Variants in RND3 observed in about 807,000 individuals in gnomAD.
RND3 encodes the protein Rho family GTPase 3.
A neutral mutation model predicts 26.5 loss-of-function variants in RND3; 8 were observed. That is an observed-to-expected ratio of 0.30 (90% CI 0.18 to 0.54). The LOEUF is 0.54. Ranked by LOEUF, RND3 falls within the 20% of genes least tolerant of loss-of-function variation. RND3 has a pLI of 0.94. For synonymous variants in RND3, 113 were observed against 113.0 expected, an observed-to-expected ratio of 1.00 and a Z score of 0.00; for missense variants, 207 against 302.8, an observed-to-expected ratio of 0.68 and a Z score of 2.35.
chr2:150,479,659 C>T (rs569958770), intron 3 of RND3, among the ~76,000 whole-genome samples: 2 of 152,202 alleles, frequency 1.3e-5, no homozygotes, highest in East Asian at 1.9e-4. Context: ...CATGATCTGC[C>T]CAATTATTAC....
At chr2:150,484,827 G>A (rs1686331559) in intron 3 of RND3, among the ~76,000 whole-genome samples, 2 of 152,146 alleles carry the variant, frequency 1.3e-5, no homozygotes, top group African/African-American at 4.8e-5. Context: ...ACACAGCTTT[G>A]TATCAACGAC....
intron 4 of RND3, 133 bp from the exon 5 acceptor site, chr2:150,471,894 G>A: frequency 1.4e-6 from 1 of 722,062 alleles, no homozygotes; most frequent in Non-Finnish European, 2.2e-6. Flanking sequence ...CCCTTGAGAT[G>A]AAGAAGCAAA....
intron 2 of RND3, 27 bp downstream of exon 2, chr2:150,487,241 G>T: frequency 3.2e-6 from 5 of 1,550,978 alleles, no homozygotes; most frequent in Non-Finnish European, 4.4e-6. Flanking sequence ...CGACCCCCTC[G>T]TGGAAGCCGC....
At chr2:150,483,763 T>C (rs1030860570) in intron 3 of RND3, among the ~76,000 whole-genome samples, 14 of 152,244 alleles carry the variant, frequency 9.2e-5, no homozygotes, top group Admixed American at 3.3e-4. Flanking sequence ...AAACAGGCTA[T>C]TCTTAGAATT....
At chr2:150,484,065 G>A (rs1686319702) in intron 3 of RND3, among the ~76,000 whole-genome samples, 1 of 152,130 alleles carries the variant, frequency 6.6e-6, no homozygotes, top group African/African-American at 2.4e-5. Context: ...TTCGATGAAA[G>A]GCAATGTTTA....
At chr2:150,482,818 T>G (rs1686298254) in intron 3 of RND3, among the ~76,000 whole-genome samples, 1 of 152,072 alleles carries the variant, frequency 6.6e-6, no homozygotes. Flanking sequence ...GGAAAAACAT[T>G]GCAACCAAGT....
chr2:150,472,432 CTA>C (rs535688067), intron 4 of RND3, among the ~76,000 whole-genome samples: 122 of 152,306 alleles, frequency 8.0e-4, no homozygotes, highest in African/African-American at 2.7e-3. Flanking sequence ...TAGTTTAAAA[CTA>C]TTTCAATCTA....
In RND3 at chr2:150,487,271, G is replaced by T. The variant is rs369155348; in HGVS notation, c.147C>A (p.Pro49=). 33 of 1,589,256 alleles carry T rather than the reference G, an allele frequency of 2.1e-5. No individual in the cohort carries two copies. The highest frequency in any genetic ancestry group is 4.1e-5 in the African/African-American group (3 of 73,570). The part of the protein sequence containing the change: ...LLHVFAKDCF[P]ENYVPTVFEN... ...AGCCGCGGCCGGCCACACTCACCTC[G>T]GGGAAGCAGTCCTTGGCGAAGACAT... Residue 49 remains proline (P), a synonymous_variant, in exon 2 of 6, where the codon CCC becomes CCA. Transcript: ENST00000263895.
chr2:150,471,572 T>A, intron 5 of RND3, 55 bp downstream of exon 5: 1 of 1,411,482 alleles, frequency 7.1e-7, no homozygotes, highest in Non-Finnish European at 9.8e-7. Context: ...TGAGTGATAG[T>A]CCATTTCTTT....
At chr2:150,485,040 TGATA>T (rs1157897086) in intron 3 of RND3, among the ~76,000 whole-genome samples, 1 of 152,194 alleles carries the variant, frequency 6.6e-6, no homozygotes, top group Non-Finnish European at 1.5e-5. Flanking sequence ...AAAATAATTC[TGATA>T]GGAACTACTG....
intron 4 of RND3, 58 bp from the exon 5 acceptor site, chr2:150,471,819 G>T (rs1686092494): frequency 1.4e-6 from 2 of 1,413,302 alleles, no homozygotes; most frequent in South Asian, 2.5e-5. Flanking sequence ...TCCATATCAT[G>T]AAAACCATTT....
At chr2:150,478,101 T>A (rs1686197022) in intron 3 of RND3, among the ~76,000 whole-genome samples, 1 of 152,110 alleles carries the variant, frequency 6.6e-6, no homozygotes, top group South Asian at 2.1e-4. Context: ...TTGTCTCTAT[T>A]TATTCACAGT....
chr2:150,468,627 T>C lies in RND3; in HGVS notation c.*1360A>G, dbSNP rs1686032329. ...CACTATCATGGGAAAGAAAGCTCGT[T>C]TTCAACAAGCGCCAACAATAAACAG... On this transcript the variant is annotated 3_prime_UTR_variant, in exon 6 of 6. Coordinates refer to ENST00000263895, the MANE Select transcript of RND3 (RefSeq NM_005168.5). The C allele has an allele frequency of 6.6e-6, 1 of 152,652 alleles. No homozygotes were observed. The highest frequency in any genetic ancestry group is 1.5e-5 in the Non-Finnish European group (1 of 68,030). 9.5% of individuals were successfully genotyped at this position (152,652 alleles called of 1,614,324 possible).
Position 150,486,953 on chromosome 2 carries a change from A to G in RND3, c.151-172T>C. 1 of 637,112 alleles carries G rather than the reference A, an allele frequency of 1.6e-6. No homozygotes were observed. The highest frequency in any genetic ancestry group is 2.8e-6 in the Non-Finnish European group (1 of 352,568). The allele number at this position is 637,112 out of a possible 1,614,324, so 39.5% of individuals were successfully genotyped here. A position where few individuals can be genotyped will look rare whatever the true frequency, so the allele number is the denominator to read the frequency against. On this transcript the variant is annotated intron_variant, in intron 2 of 5. Transcript: ENST00000263895. The surrounding 1 kb of genome is among the most constrained non-coding windows in gnomAD (Gnocchi z 4.5). ...GGACCCTTTCCGAAACCCCTGTCCTACTCCCCACTCACCCCACCCGGCTCT... is the reference window on the plus strand; with the variant it reads ...GGACCCTTTCCGAAACCCCTGTCCTGCTCCCCACTCACCCCACCCGGCTCT...
At chr2:150,487,184 A>G in intron 2 of RND3, 84 bp downstream of exon 2, 1 of 974,570 alleles carries the variant, frequency 1.0e-6, no homozygotes, top group Non-Finnish European at 1.4e-6. Context: ...TTAAGGGAAA[A>G]CGGATGAAAG....
In RND3 at chr2:150,486,695, C is replaced by T. The variant is rs149567484; in HGVS notation, c.237G>A (p.Ser79=). The change falls in exon 3 of 6, where the codon TCG becomes TCA. Residue 79 remains serine, a splice_region_variant and synonymous_variant. Coordinates refer to ENST00000263895, the MANE Select transcript of RND3 (RefSeq NM_005168.5). This position sits in a 1 kb window ranked among gnomAD's most constrained non-coding sequence, Gnocchi z 4.5. The part of the protein sequence containing the change: ...QRIELSLWDT[S]GSPYYDNVRP... The stretch of plus-strand genomic sequence containing the variant: ...GCCACGCGGTCCTCCCACTCTTACC[C>T]GAAGTGTCCCACAGGCTCAACTCTA... The T allele has an allele frequency of 1.7e-5, 27 of 1,609,416 alleles. No homozygotes were observed. The highest frequency in any genetic ancestry group is 2.7e-5 in the African/African-American group (2 of 74,836).
chr2:150,487,043 G>A, intron 2 of RND3: 1 of 603,434 alleles, frequency 1.7e-6, no homozygotes, highest in Non-Finnish European at 2.9e-6. Flanking sequence ...CAAGTTTCAG[G>A]AGCTAACCAG....
intron 3 of RND3, among the ~76,000 whole-genome samples, chr2:150,479,320 A>G (rs1686232542): frequency 6.6e-6 from 1 of 152,200 alleles, no homozygotes. Context: ...CACACCATAT[A>G]TGTACATAAT....
chr2:150,478,320 A>G (rs1166244750), intron 3 of RND3, among the ~76,000 whole-genome samples: 3 of 152,072 alleles, frequency 2.0e-5, no homozygotes, highest in African/African-American at 7.2e-5. Context: ...ATAAAGCCCA[A>G]GAGACTGCAC....
Sources: allele counts gnomAD v4.1 joint callset (sites outside exome capture counted in the v4.1 genomes callset), GRCh38; gene constraint gnomAD v4.1.1; non-coding constraint Gnocchi (gnomAD v3.1); transcripts MANE v1.5; gene names NCBI Gene and HGNC (gene_info 2026-07-23, HGNC 2026-07-21).